Variants in ADAM28 observed in about 807,000 individuals in gnomAD.
ADAM28 encodes ADAM metallopeptidase domain 28, also known as disintegrin and metalloproteinase domain-containing protein 28.
A neutral mutation model predicts 101.2 loss-of-function variants in ADAM28; 105 were observed. That is an observed-to-expected ratio of 1.04 (90% CI 0.89 to 1.22). The LOEUF is 1.22. ADAM28 is among the 50% of genes most tolerant of loss of function. The pLI, the probability that ADAM28 is intolerant of heterozygous loss-of-function variation, is 0.00. For missense variants in ADAM28, 1,028 were observed against 945.4 expected (o/e 1.09, Z -1.15); for synonymous variants, 322 against 310.6 (o/e 1.04, Z -0.39).
In ADAM28 at chr8:24,356,878, A is replaced by C. The variant is rs1816721581; in HGVS notation, c.*2474A>C. The stretch of plus-strand genomic sequence containing the variant: ...TTACTGGTTTTATATGGCCTTTGGG[A>C]AGGCTTTTAGCTTTTTATAAAATAA... On this transcript the variant is annotated 3_prime_UTR_variant, in exon 23 of 23. Transcript: ENST00000265769. 1 of 152,194 alleles carries C rather than the reference A, an allele frequency of 6.6e-6. No homozygotes were observed. The highest frequency in any genetic ancestry group is 6.6e-5 in the Admixed American group (1 of 15,266). The allele number at this position is 152,194 out of a possible 1,614,324, so 9.4% of individuals were successfully genotyped here. A position where few individuals can be genotyped will look rare whatever the true frequency, so the allele number is the denominator to read the frequency against.
intron 6 of ADAM28, among the ~76,000 whole-genome samples, chr8:24,315,319 A>C (rs1811021645): frequency 6.6e-6 from 1 of 151,988 alleles, no homozygotes; most frequent in Non-Finnish European, 1.5e-5. Context: ...ATCAGAAATG[A>C]AAGTGGAGAT....
At chr8:24,317,385 A>G (rs1811294346) in intron 6 of ADAM28, among the ~76,000 whole-genome samples, 1 of 152,036 alleles carries the variant, frequency 6.6e-6, no homozygotes, top group Non-Finnish European at 1.5e-5. Context: ...ATCCAAACAT[A>G]TACGTTCAAT....
chr8:24,294,533 AT>A (rs1298138801), intron 1 of ADAM28, among the ~76,000 whole-genome samples: 57 of 152,206 alleles, frequency 3.7e-4, no homozygotes, highest in Non-Finnish European at 1.5e-5. Context: ...CCAGCTTGTC[AT>A]TTAAAGAATG....
rs201471000 is a variant in ADAM28 at position 24,350,878 on chromosome 8, T to G, written c.2100-354T>G. ...GGCACAACGGTGTTTTTTTTTTTTT[T>G]TTTTTTTTTTTTAGCACTTTTAAAG... On this transcript the variant is annotated intron_variant, in intron 19 of 22. Coordinates refer to ENST00000265769, the MANE Select transcript of ADAM28 (RefSeq NM_014265.6). 8.5e-4 allele frequency among the ~76,000 whole-genome samples: 51 copies of G among 59,874 alleles called. No individual in the cohort carries two copies. In the East Asian group the frequency reaches 0.017, roughly 20 times the overall value. The allele number at this position is 59,874 out of a possible 152,430, so 39.3% of individuals were successfully genotyped here.
chr8:24,322,193 A>G (rs759152639), intron 8 of ADAM28, among the ~76,000 whole-genome samples: 1 of 152,016 alleles, frequency 6.6e-6, no homozygotes, highest in Non-Finnish European at 1.5e-5. Context: ...AGACAGAAGA[A>G]TTATTGGAAT....
At chr8:24,304,564 C>T (rs1217962889) in intron 2 of ADAM28, among the ~76,000 whole-genome samples, 2 of 151,958 alleles carry the variant, frequency 1.3e-5, no homozygotes, top group Non-Finnish European at 2.9e-5. Context: ...TTTTAACTCC[C>T]TATTCAAGAT....
At position 24,300,092 on chromosome 8, in the gene ADAM28, T is replaced by C. The variant is rs1474171720; in HGVS notation, c.150+15T>C. Reference sequence around the variant, plus strand: ...CAGAGCAACAGGTACAGCTTTTGATTTATCAAAGGATCTTGATTTGAGATA... The same window carrying C: ...CAGAGCAACAGGTACAGCTTTTGATCTATCAAAGGATCTTGATTTGAGATA... On this transcript the variant is annotated intron_variant, in intron 2 of 22. Coordinates refer to ENST00000265769, the MANE Select transcript of ADAM28 (RefSeq NM_014265.6). 6.3e-7 allele frequency: 1 copy of C among 1,595,764 alleles called. No individual in the cohort carries two copies. The highest frequency in any genetic ancestry group is 1.1e-5 in the South Asian group (1 of 89,386).
intron 8 of ADAM28, among the ~76,000 whole-genome samples, chr8:24,323,449 T>C (rs951532755): frequency 6.6e-6 from 1 of 151,978 alleles, no homozygotes; most frequent in Non-Finnish European, 1.5e-5. Context: ...ACTTTGCTAA[T>C]TCTGAAATAT....
At chr8:24,314,665 A>G (rs551690689) in intron 6 of ADAM28, among the ~76,000 whole-genome samples, 21 of 152,152 alleles carry the variant, frequency 1.4e-4, no homozygotes, top group African/African-American at 4.8e-4. Context: ...AGAATACTCC[A>G]ATATTTTAAG....
intron 2 of ADAM28, among the ~76,000 whole-genome samples, chr8:24,306,922 A>C (rs56337914): frequency 1.3e-5 from 2 of 152,148 alleles, no homozygotes; most frequent in African/African-American, 4.8e-5. Context: ...GGGTTCTGCC[A>C]TATCACAGTT....
intron 10 of ADAM28, among the ~76,000 whole-genome samples, chr8:24,329,062 T>C (rs950406833): frequency 6.6e-6 from 1 of 152,046 alleles, no homozygotes; most frequent in African/African-American, 2.4e-5. Flanking sequence ...AGGAACTTCA[T>C]ATAGGCCTCT....
At chr8:24,297,800 A>G (rs1478353187) in intron 1 of ADAM28, among the ~76,000 whole-genome samples, 1 of 152,206 alleles carries the variant, frequency 6.6e-6, no homozygotes, top group Non-Finnish European at 1.5e-5. Context: ...TAATTACAAT[A>G]ATTAGAAAAA....
chr8:24,327,847 C>G (rs1158590346), intron 10 of ADAM28, among the ~76,000 whole-genome samples: 4 of 151,966 alleles, frequency 2.6e-5, no homozygotes, highest in Non-Finnish European at 4.4e-5. Context: ...AAGAGTATGC[C>G]TCTAACTCTT....
chr8:24,297,755 A>G (rs1279470220), intron 1 of ADAM28, among the ~76,000 whole-genome samples: 3 of 152,146 alleles, frequency 2.0e-5, no homozygotes, highest in African/African-American at 7.2e-5. Context: ...GGCAGGAGTA[A>G]TTTTCTTACC....
chr8:24,299,552 C>T (rs2129233726), intron 1 of ADAM28, among the ~76,000 whole-genome samples: 1 of 152,250 alleles, frequency 6.6e-6, no homozygotes, highest in Admixed American at 6.5e-5. Flanking sequence ...ATTTTTCTAA[C>T]ATTGTATGGT....
rs146009395 is a variant in ADAM28, at chr8:24,349,855, C to T, written c.1991-9C>T. On this transcript the variant is annotated splice_polypyrimidine_tract_variant and intron_variant, in intron 18 of 22. Transcript: ENST00000265769. ...GCAGTCCTCAGCGGGCCCCTGTTCT[C>T]TGCTGCAGACTTCTCCATTGTGGTT... 2.6e-5 allele frequency: 42 copies of T among 1,613,060 alleles called. No homozygotes were observed. Among genetic ancestry groups the T allele is most frequent in the African/African-American group, 5.3e-5 (4 of 74,960 alleles).
At chr8:24,331,561 A>G (rs559002265) in intron 12 of ADAM28, among the ~76,000 whole-genome samples, 30 of 152,002 alleles carry the variant, frequency 2.0e-4, no homozygotes, top group African/African-American at 5.5e-4. Flanking sequence ...TTTAAGGACT[A>G]TTTACTAACT....
chr8:24,340,218 T>A (rs1851014893), intron 15 of ADAM28, among the ~76,000 whole-genome samples: 1 of 152,154 alleles, frequency 6.6e-6, no homozygotes, highest in Non-Finnish European at 1.5e-5. Context: ...TGCTCTAAAT[T>A]TTACACATAC....
At chr8:24,324,629 T>A (rs1243513593) in intron 9 of ADAM28, among the ~76,000 whole-genome samples, 1 of 151,968 alleles carries the variant, frequency 6.6e-6, no homozygotes, top group Non-Finnish European at 1.5e-5. Context: ...CCAGAATTAG[T>A]TAATGTTTCT....
Sources: gnomAD v4.1 joint callset for allele counts (sites outside exome capture counted in the v4.1 genomes callset) on GRCh38, gnomAD v4.1.1 for gene constraint, MANE v1.5 for transcripts, NCBI Gene and HGNC (gene_info 2026-07-23, HGNC 2026-07-21) for gene names.